RAB11A: variants seen among roughly 807,000 people sequenced by gnomAD.
The protein encoded by RAB11A is RAB11A, member RAS oncogene family, also known as ras-related protein Rab-11A.
In RAB11A, 9 loss-of-function variants were observed where a neutral mutation model predicts 28.0. That is an observed-to-expected ratio of 0.32 (90% confidence interval 0.19 to 0.56). The LOEUF is 0.56. RAB11A is among the 20% of genes least tolerant of loss of function. The pLI is 0.91. For missense variants in RAB11A, 108 were observed against 269.6 expected (o/e 0.40, Z 4.20); for synonymous variants, 85 against 88.2 (o/e 0.96, Z 0.20).
In RAB11A at chr15:65,877,016, T is replaced by C. The variant is rs2078195123; in HGVS notation, c.41-316T>C. On this transcript the variant is annotated intron_variant, in intron 1 of 4. Coordinates refer to ENST00000261890, the MANE Select transcript of RAB11A (RefSeq NM_004663.5). The surrounding 1 kb of genome is among the most constrained non-coding windows in gnomAD (Gnocchi z 4.1). ...TTGGCATAGCATTGACGGTAATTAA[T>C]GCCTGTCATCAATGCCAAGGGCATC... 6.6e-6 allele frequency among the ~76,000 whole-genome samples: 1 copy of C among 152,250 alleles called. No individual in the cohort carries two copies. Among genetic ancestry groups the C allele is most frequent in the Non-Finnish European group, 1.5e-5 (1 of 68,048 alleles).
chr15:65,876,165 A>G (rs1409317781), intron 1 of RAB11A, among the ~76,000 whole-genome samples: 2 of 152,232 alleles, frequency 1.3e-5, no homozygotes, highest in Non-Finnish European at 2.9e-5. Context: ...AAGAATCTCC[A>G]TGTATCTAGT....
At chr15:65,879,454 T>C (rs1344903831) in intron 3 of RAB11A, among the ~76,000 whole-genome samples, 1 of 152,188 alleles carries the variant, frequency 6.6e-6, no homozygotes, top group Non-Finnish European at 1.5e-5. Flanking sequence ...AAGACCAGGC[T>C]GGGCAACCTA....
chr15:65,885,595 A>G (rs748655164), intron 4 of RAB11A, among the ~76,000 whole-genome samples: 17 of 152,234 alleles, frequency 1.1e-4, no homozygotes, highest in African/African-American at 1.9e-4. Context: ...GCTGAAAGCT[A>G]TCTGATACAG....
intron 1 of RAB11A, 43 bp downstream of exon 1, chr15:65,869,668 G>T (rs1229835922): frequency 6.3e-7 from 1 of 1,586,472 alleles, no homozygotes; most frequent in South Asian, 1.1e-5. Context: ...CCTCGTTCGG[G>T]GACCCGGGCC....
At chr15:65,874,454 T>G (rs1048011677) in intron 1 of RAB11A, among the ~76,000 whole-genome samples, 2 of 152,148 alleles carry the variant, frequency 1.3e-5, no homozygotes, top group African/African-American at 4.8e-5. Flanking sequence ...TTGGTCAGGC[T>G]GGTCTCAAAC....
intron 4 of RAB11A, among the ~76,000 whole-genome samples, chr15:65,885,186 A>G (rs1156431927): frequency 6.9e-6 from 1 of 144,476 alleles, no homozygotes; most frequent in Non-Finnish European, 1.5e-5. Flanking sequence ...GCTGGAGTGC[A>G]GTGGTGCTAT....
Position 65,871,673 on chromosome 15 carries a change from CA to C in RAB11A, c.40+2050del, listed in dbSNP as rs749503772. On this transcript the variant is annotated intron_variant, in intron 1 of 4. Transcript: ENST00000261890. Reference sequence around the variant, plus strand: ...CTTTTTGATTAGACCATCCTTCTAGCAACAATTGAGAGCACTGAGCTTTGGA... The same window carrying C: ...CTTTTTGATTAGACCATCCTTCTAGCACAATTGAGAGCACTGAGCTTTGGA... 3.3e-5 allele frequency among the ~76,000 whole-genome samples: 5 copies of C among 152,142 alleles called. No individual in the cohort carries two copies. In the East Asian group the frequency reaches 9.6e-4, roughly 29 times the overall value.
At position 65,891,897 on chromosome 15, in the gene RAB11A, G is replaced by A. The variant is rs1482044839; in HGVS notation, c.*4057G>A. The A allele has an allele frequency of 6.6e-6, 1 of 152,038 alleles. No homozygotes were observed. Among genetic ancestry groups the A allele is most frequent in the Non-Finnish European group, 1.5e-5 (1 of 67,994 alleles). 9.4% of individuals were successfully genotyped at this position (152,038 alleles called of 1,614,324 possible). ...CTATGTTAACTGTAAATTGAGAACTGCTTGTTTTATGGCTTTTGCTGTTAA... is the reference window on the plus strand; with the variant it reads ...CTATGTTAACTGTAAATTGAGAACTACTTGTTTTATGGCTTTTGCTGTTAA... On this transcript the variant is annotated 3_prime_UTR_variant, in exon 5 of 5. Transcript: ENST00000261890.
rs56815495 is a variant in RAB11A at position 65,885,133 on chromosome 15, GTT to G, written c.512-2551_512-2550del. 4.6e-3 allele frequency among the ~76,000 whole-genome samples: 601 copies of G among 129,312 alleles called. 5 individuals carry two copies. Among genetic ancestry groups the G allele is most frequent in the African/African-American group, 0.016 (572 of 34,902 alleles). The allele number at this position is 129,312 out of a possible 152,430, so 84.8% of individuals were successfully genotyped here. ...ATCCAAGAAATTTAACATTTATACA[GTT>G]TTTTTTTTTTTTTTTTGAGACAGTG... is the stretch of plus-strand genomic sequence containing the variant. On this transcript the variant is annotated intron_variant, in intron 4 of 4. Transcript: ENST00000261890.
intron 4 of RAB11A, 31 bp downstream of exon 4, chr15:65,879,782 A>G (rs1481329290): frequency 6.8e-7 from 1 of 1,461,016 alleles, no homozygotes; most frequent in Non-Finnish European, 9.5e-7. Flanking sequence ...TTACACCAGT[A>G]GGACTAGAAG....
In RAB11A at chr15:65,888,187, TAAG is replaced by T. The variant is rs2078266124; in HGVS notation, c.*352_*354del. On this transcript the variant is annotated 3_prime_UTR_variant, in exon 5 of 5. Transcript: ENST00000261890. ...CCTATTGGTCTTGATCAAATCAAAC[TAAG>T]AAGACCTTAGAAATAAGCTACCATT... 1 of 176,406 alleles carries T rather than the reference TAAG, an allele frequency of 5.7e-6. No individual in the cohort carries two copies. The highest frequency in any genetic ancestry group is 1.9e-4 in the South Asian group (1 of 5,262). 10.9% of individuals were successfully genotyped at this position (176,406 alleles called of 1,614,324 possible).
intron 1 of RAB11A, 129 bp downstream of exon 1, chr15:65,869,754 C>A: frequency 3.0e-6 from 3 of 985,684 alleles, no homozygotes; most frequent in Non-Finnish European, 4.3e-6. Flanking sequence ...TTGTGCGGTT[C>A]CGTCTCCTAC....
chr15:65,887,885 C>T lies in RAB11A; in HGVS notation c.*45C>T, dbSNP rs757779573. On this transcript the variant is annotated 3_prime_UTR_variant, in exon 5 of 5. Transcript: ENST00000261890. ...AGAAGGCTGTGTATAGTCCATTTCC[C>T]AGGTCTGAGATTTAAATATATTTGT... 6 of 1,457,642 alleles carry T rather than the reference C, an allele frequency of 4.1e-6. No individual in the cohort carries two copies. In the South Asian group the frequency reaches 8.7e-5, roughly 21 times the overall value. 90.3% of individuals were successfully genotyped at this position (1,457,642 alleles called of 1,614,324 possible).
intron 1 of RAB11A, chr15:65,870,058 T>G: frequency 2.5e-5 from 4 of 159,720 alleles, no homozygotes; most frequent in Non-Finnish European, 5.5e-5. Context: ...CCTCTTGGCC[T>G]TGCCTTCGGT....
In RAB11A at chr15:65,887,777, T is replaced by A. The variant is rs2078263776; in HGVS notation, c.588T>A (p.Val196=). 6 of 1,613,752 alleles carry A rather than the reference T, an allele frequency of 3.7e-6. No individual in the cohort carries two copies. The highest frequency in any genetic ancestry group is 5.1e-6 in the Non-Finnish European group (6 of 1,179,896). ...ENDMSPSNNV[V]PIHVPPTTEN... ...ACATGTCTCCAAGCAACAATGTGGTTCCTATTCATGTTCCACCAACCACTG... is the reference window on the plus strand; with the variant it reads ...ACATGTCTCCAAGCAACAATGTGGTACCTATTCATGTTCCACCAACCACTG... Residue 196 remains valine (V), a synonymous_variant, in exon 5 of 5, where the codon GTT becomes GTA. Coordinates refer to ENST00000261890, the MANE Select transcript of RAB11A (RefSeq NM_004663.5).
intron 1 of RAB11A, among the ~76,000 whole-genome samples, chr15:65,872,773 A>G (rs1434788128): frequency 6.6e-6 from 1 of 152,130 alleles, no homozygotes; most frequent in Non-Finnish European, 1.5e-5. Context: ...GATATGAGTC[A>G]CTTTTTCTTT....
At chr15:65,876,182 AT>A (rs1180580242) in intron 1 of RAB11A, among the ~76,000 whole-genome samples, 3 of 152,226 alleles carry the variant, frequency 2.0e-5, no homozygotes, top group Non-Finnish European at 4.4e-5. Flanking sequence ...TAGTTAGTAA[AT>A]AAACTGCTGC....
intron 4 of RAB11A, among the ~76,000 whole-genome samples, chr15:65,881,091 T>C (rs2078219721): frequency 6.6e-6 from 1 of 152,232 alleles, no homozygotes; most frequent in Non-Finnish European, 1.5e-5. Flanking sequence ...TGGAGATTTA[T>C]GTACCTATTT....
At position 65,877,754 on chromosome 15, in the gene RAB11A, G is replaced by T; in HGVS notation, c.237-8G>T. 6.4e-7 allele frequency: 1 copy of T among 1,571,574 alleles called. No homozygotes were observed. Reference sequence around the variant, plus strand: ...GTTTTCTGATACTAAATATGTTTCTGTTTTCAGATATTATCGTGGAGCTGT... The same window carrying T: ...GTTTTCTGATACTAAATATGTTTCTTTTTTCAGATATTATCGTGGAGCTGT... On this transcript the variant is annotated splice_polypyrimidine_tract_variant and splice_region_variant and intron_variant, in intron 2 of 4. Transcript: ENST00000261890. This position sits in a 1 kb window ranked among gnomAD's most constrained non-coding sequence, Gnocchi z 4.1.
Sources: allele counts gnomAD v4.1 joint callset (sites outside exome capture counted in the v4.1 genomes callset), GRCh38; gene constraint gnomAD v4.1.1; non-coding constraint Gnocchi (gnomAD v3.1); transcripts MANE v1.5; gene names NCBI Gene and HGNC (gene_info 2026-07-23, HGNC 2026-07-21).